SGCZ: variants seen among roughly 807,000 people sequenced by gnomAD.
The protein encoded by SGCZ is zeta-sarcoglycan.
A neutral mutation model predicts 41.3 loss-of-function variants in SGCZ; 40 were observed. That is an observed-to-expected ratio of 0.97 (90% CI 0.75 to 1.26). The LOEUF is 1.26. SGCZ is among the 50% of genes most tolerant of loss of function. The probability of loss-of-function intolerance (pLI) is 0.00; values close to 1 mark genes in which losing one functional copy is unlikely to be tolerated. For missense variants in SGCZ, 552 were observed against 369.8 expected, an observed-to-expected ratio of 1.49 and a Z score of -4.04; for synonymous variants, 206 against 137.5, an observed-to-expected ratio of 1.50 and a Z score of -3.49.
chr8:14,599,827 CAA>C (rs1455089759), intron 1 of SGCZ, among the ~76,000 whole-genome samples: 2 of 152,052 alleles, frequency 1.3e-5, no homozygotes, highest in Non-Finnish European at 2.9e-5. Flanking sequence ...TATAAACATG[CAA>C]TATATTTTTC....
intron 1 of SGCZ, among the ~76,000 whole-genome samples, chr8:14,905,910 C>T (rs959427346): frequency 6.6e-6 from 1 of 151,818 alleles, no homozygotes; most frequent in Non-Finnish European, 1.5e-5. Flanking sequence ...AATATACACA[C>T]TTATATTGGA....
At chr8:14,357,907 G>C (rs902933641) in intron 2 of SGCZ, among the ~76,000 whole-genome samples, 1 of 152,158 alleles carries the variant, frequency 6.6e-6, no homozygotes, top group African/African-American at 2.4e-5. Flanking sequence ...CTAAATGCTA[G>C]CTGAATTTTC....
At chr8:14,626,695 C>T (rs895337591) in intron 1 of SGCZ, among the ~76,000 whole-genome samples, 3 of 151,968 alleles carry the variant, frequency 2.0e-5, no homozygotes, top group South Asian at 2.1e-4. Context: ...TATGCTACCA[C>T]AAGCCAAAAA....
intron 2 of SGCZ, among the ~76,000 whole-genome samples, chr8:14,355,712 G>C (rs1256982826): frequency 6.6e-6 from 1 of 152,026 alleles, no homozygotes; most frequent in Non-Finnish European, 1.5e-5. Context: ...TTAATTAAAA[G>C]ACTCTCTGTG....
chr8:14,226,422 C>G (rs977100922), intron 4 of SGCZ, among the ~76,000 whole-genome samples: 1 of 152,060 alleles, frequency 6.6e-6, no homozygotes, highest in African/African-American at 2.4e-5. Context: ...CTGTGAACTA[C>G]GCATGAATCT....
intron 4 of SGCZ, among the ~76,000 whole-genome samples, chr8:14,220,029 G>A (rs2410166): frequency 0.71 from 107,620 of 152,124 alleles, 38,834 homozygotes; most frequent in African/African-American, 0.83. Context: ...ATGTGTTTGA[G>A]CCTAGTTATA....
chr8:14,354,304 T>C (rs1803212114), intron 2 of SGCZ, among the ~76,000 whole-genome samples: 1 of 152,040 alleles, frequency 6.6e-6, no homozygotes, highest in Non-Finnish European at 1.5e-5. Flanking sequence ...CTGAAATTAA[T>C]GTTATTAGAA....
At chr8:14,479,707 T>TCGC (rs961353504) in intron 2 of SGCZ, among the ~76,000 whole-genome samples, 5 of 148,592 alleles carry the variant, frequency 3.4e-5, no homozygotes, top group African/African-American at 1.2e-4. Context: ...TACCCCCAGG[T>TCGC]CGCATACCTC....
At chr8:14,975,293 A>G (rs1416389947) in intron 1 of SGCZ, among the ~76,000 whole-genome samples, 1 of 152,086 alleles carries the variant, frequency 6.6e-6, no homozygotes, top group African/African-American at 2.4e-5. Context: ...GCGACAGAGC[A>G]AAACTCCAAC....
Position 15,132,708 on chromosome 8 carries a change from T to C in SGCZ, c.39+104877A>G, listed in dbSNP as rs557414594. ...GGAATTTTGAAAGCCAGTTGCTACA[T>C]TTTTGGTAGCTTGAGATTAGTCATT... On this transcript the variant is annotated intron_variant, in intron 1 of 7. Transcript: ENST00000382080. Among the ~76,000 whole-genome samples, 24 of 152,308 alleles carry C rather than the reference T, an allele frequency of 1.6e-4. 1 individual carries two copies. In the South Asian group the frequency reaches 4.8e-3, roughly 30 times the overall value.
intron 1 of SGCZ, among the ~76,000 whole-genome samples, chr8:15,101,653 A>G (rs550728210): frequency 9.2e-5 from 14 of 152,174 alleles, no homozygotes; most frequent in Non-Finnish European, 1.3e-4. Context: ...AAAATCGGCC[A>G]GGAGCGGTGG....
intron 2 of SGCZ, among the ~76,000 whole-genome samples, chr8:14,405,096 T>C (rs962658603): frequency 3.3e-5 from 5 of 152,100 alleles, no homozygotes; most frequent in African/African-American, 7.2e-5. Flanking sequence ...CTACTTTCCT[T>C]CTCCCCAGAC....
intron 4 of SGCZ, among the ~76,000 whole-genome samples, chr8:14,186,326 G>C (rs79270409): frequency 6.6e-6 from 1 of 152,336 alleles, no homozygotes; most frequent in African/African-American, 2.4e-5. Context: ...TATCATTTTA[G>C]CCATGAATCT....
intron 1 of SGCZ, among the ~76,000 whole-genome samples, chr8:14,645,912 T>C (rs1164017730): frequency 2.7e-5 from 4 of 147,144 alleles, no homozygotes; most frequent in Non-Finnish European, 4.5e-5. Flanking sequence ...CATGATATTT[T>C]AATTACCTTG....
At chr8:14,609,827 A>G (rs76925864) in intron 1 of SGCZ, among the ~76,000 whole-genome samples, 13 of 151,306 alleles carry the variant, frequency 8.6e-5, no homozygotes, top group African/African-American at 3.2e-4. Context: ...TCAGAAGGAG[A>G]AAAAAAAACA....
chr8:14,544,308 C>T (rs773032577), intron 2 of SGCZ, among the ~76,000 whole-genome samples: 1 of 151,968 alleles, frequency 6.6e-6, no homozygotes, highest in African/African-American at 2.4e-5. Context: ...GGTAACTGTA[C>T]AAATTGATTG....
chr8:15,082,913 T>A (rs1454109333), intron 1 of SGCZ, among the ~76,000 whole-genome samples: 2 of 152,048 alleles, frequency 1.3e-5, no homozygotes, highest in East Asian at 1.9e-4. Flanking sequence ...TAGACAGTAT[T>A]CAATTTTCTA....
In SGCZ at chr8:14,484,501, C is replaced by A. The variant is rs574919063; in HGVS notation, c.234+70231G>T. On this transcript the variant is annotated intron_variant, in intron 2 of 7. Transcript: ENST00000382080. ...GATTTTTAAAACATTTCATTGCTAT[C>A]TTGGTTAGCAGTTTCCCGGTTTTTT... is the stretch of plus-strand genomic sequence containing the variant. Among the ~76,000 whole-genome samples, 5 of 152,184 alleles carry A rather than the reference C, an allele frequency of 3.3e-5. No individual in the cohort carries two copies. The East Asian group carries it at 9.6e-4, about 29-fold the overall frequency.
intron 1 of SGCZ, among the ~76,000 whole-genome samples, chr8:14,642,081 A>G (rs1357381340): frequency 6.6e-6 from 1 of 151,656 alleles, no homozygotes; most frequent in Non-Finnish European, 1.5e-5. Flanking sequence ...TTCACCTGGA[A>G]GTATTTTACT....
Sources: gnomAD v4.1 joint callset for allele counts (sites outside exome capture counted in the v4.1 genomes callset) on GRCh38, gnomAD v4.1.1 for gene constraint, MANE v1.5 for transcripts, NCBI Gene and HGNC (gene_info 2026-07-23, HGNC 2026-07-21) for gene names.